Variants in MKRN1 observed in about 807,000 individuals in gnomAD.
MKRN1 encodes the protein E3 ubiquitin-protein ligase makorin-1.
MKRN1 carries 9 observed loss-of-function variants against 55.5 expected under a neutral mutation model. The observed-to-expected ratio is 0.16, with a 90% CI of 0.10 to 0.28. The LOEUF (loss-of-function observed/expected upper bound fraction) is 0.28. MKRN1 is among the 10% of genes least tolerant of loss of function. The probability of loss-of-function intolerance (pLI) is 1.00; values close to 1 mark genes in which losing one functional copy is unlikely to be tolerated. For synonymous variants in MKRN1, 253 were observed against 235.9 expected, an observed-to-expected ratio of 1.07 and a Z score of -0.66; for missense variants, 488 against 626.7, an observed-to-expected ratio of 0.78 and a Z score of 2.36.
In MKRN1 at chr7:140,455,138, T is replaced by C. The variant is rs1171846914; in HGVS notation, c.1193A>G (p.Glu398Gly). ...TCCCACTTTCTGTCTCTGTGGCTCCTCTCTACGGCCATCAGGGTACGCATG... is the reference window on the plus strand; with the variant it reads ...TCCCACTTTCTGTCTCTGTGGCTCCCCTCTACGGCCATCAGGGTACGCATG... The part of the protein sequence containing the change: ...YKHAYPDGRR[E>G]EPQRQKVGTS... The change falls in exon 7 of 8, where the codon GAG becomes GGG. Residue 398 changes from glutamate to glycine, a missense_variant. Transcript: ENST00000255977. 6.2e-7 allele frequency: 1 copy of C among 1,613,932 alleles called. No homozygotes were observed. The highest frequency in any genetic ancestry group is 8.5e-7 in the Non-Finnish European group (1 of 1,179,996).
rs1379620238 is a variant in MKRN1, at chr7:140,479,315, T to C, written c.30A>G (p.Thr10=). ...CCGCTCCTGCTCCTGATGTTGTGGCTGTTGTTCCGGGAGTTGCAGCCTCCG... is the reference window on the plus strand; with the variant it reads ...CCGCTCCTGCTCCTGATGTTGTGGCCGTTGTTCCGGGAGTTGCAGCCTCCG... MAEAATPGT[T]ATTSGAGAAA... The change falls in exon 1 of 8, where the codon ACA becomes ACG. Residue 10 remains threonine, a synonymous_variant. Coordinates refer to ENST00000255977, the MANE Select transcript of MKRN1 (RefSeq NM_013446.4). 1.5e-6 allele frequency: 2 copies of C among 1,320,588 alleles called. No homozygotes were observed. The highest frequency in any genetic ancestry group is 1.9e-6 in the Non-Finnish European group (2 of 1,031,150). 81.8% of individuals were successfully genotyped at this position (1,320,588 alleles called of 1,614,324 possible).
intron 1 of MKRN1, 97 bp downstream of exon 1, chr7:140,479,063 C>T: frequency 8.1e-7 from 1 of 1,229,944 alleles, no homozygotes; most frequent in Non-Finnish European, 1.0e-6. Context: ...CCTCCCGCGC[C>T]TCTAGCCGCA....
intron 2 of MKRN1, among the ~76,000 whole-genome samples, chr7:140,466,465 G>C (rs952979318): frequency 2.6e-5 from 4 of 152,164 alleles, no homozygotes; most frequent in African/African-American, 9.7e-5. Context: ...GGGAGTTTGA[G>C]ACCAACCTCG....
intron 3 of MKRN1, 125 bp downstream of exon 3, chr7:140,459,582 A>G: frequency 1.1e-6 from 1 of 891,240 alleles, no homozygotes; most frequent in South Asian, 1.8e-5. Context: ...TCCAAATTAA[A>G]GTACTGTACT....
chr7:140,463,921 C>T (rs1400330457), intron 2 of MKRN1, among the ~76,000 whole-genome samples: 1 of 151,228 alleles, frequency 6.6e-6, no homozygotes, highest in African/African-American at 2.4e-5. Flanking sequence ...CAGCCCAAAG[C>T]CTCACTTTTC....
chr7:140,468,722 A>AAAAAAAC, intron 2 of MKRN1, among the ~76,000 whole-genome samples: 1 of 151,212 alleles, frequency 6.6e-6, no homozygotes, highest in African/African-American at 2.4e-5. Flanking sequence ...AAAAAAAAAA[A>AAAAAAAC]AAAGACATGC....
At chr7:140,461,573 T>G (rs933091240) in intron 2 of MKRN1, among the ~76,000 whole-genome samples, 1 of 151,322 alleles carries the variant, frequency 6.6e-6, no homozygotes, top group African/African-American at 2.4e-5. Context: ...AGGTGGAGGG[T>G]GCAGTGAGCC....
chr7:140,462,417 T>C (rs1794649129), intron 2 of MKRN1, among the ~76,000 whole-genome samples: 3 of 152,238 alleles, frequency 2.0e-5, no homozygotes. Flanking sequence ...GTTCTTATAA[T>C]GAAACATTAC....
intron 1 of MKRN1, 79 bp downstream of exon 1, chr7:140,479,081 C>A (rs1795210930): frequency 3.2e-6 from 4 of 1,243,202 alleles, no homozygotes; most frequent in Non-Finnish European, 4.0e-6. Context: ...GCAGGCCGGC[C>A]GCCCTCCTCC....
intron 7 of MKRN1, 95 bp downstream of exon 7, chr7:140,455,000 T>TGATGG: frequency 6.6e-7 from 1 of 1,510,976 alleles, no homozygotes; most frequent in Non-Finnish European, 9.0e-7. Flanking sequence ...CTCCCAGACC[T>TGATGG]GAGCGTTAAC....
intron 5 of MKRN1, 62 bp downstream of exon 5, chr7:140,456,590 A>T (rs1342139295): frequency 6.3e-7 from 1 of 1,586,302 alleles, no homozygotes; most frequent in African/African-American, 1.3e-5. Context: ...GAAAGTTGGC[A>T]CAAGTTACTA....
Position 140,456,384 on chromosome 7 carries a change from T to G in MKRN1, c.986+268A>C, listed in dbSNP as rs1794466121. ...ATCAGTTTGTTCACTGAGCCTAAAC[T>G]GGCTAATAATCCATTAAACACAATC... On this transcript the variant is annotated intron_variant, in intron 5 of 7. Coordinates refer to ENST00000255977, the MANE Select transcript of MKRN1 (RefSeq NM_013446.4). The G allele has an allele frequency of 5.3e-6, 7 of 1,309,062 alleles. No homozygotes were observed. In the South Asian group the frequency reaches 1.1e-4, roughly 21 times the overall value. 81.1% of individuals were successfully genotyped at this position (1,309,062 alleles called of 1,614,324 possible).
chr7:140,471,126 T>C lies in MKRN1; in HGVS notation c.314+757A>G, dbSNP rs529108423. On this transcript the variant is annotated intron_variant, in intron 2 of 7. Transcript: ENST00000255977. ...GGCCAGTTTCTGGGGCTCATGCTTG[T>C]AATCCCAACACTTTTCGGAGGCCAA... Among the ~76,000 whole-genome samples, 3 of 152,254 alleles carry C rather than the reference T, an allele frequency of 2.0e-5. No homozygotes were observed. The South Asian group carries it at 6.2e-4, about 32-fold the overall frequency.
At chr7:140,457,099 C>A (rs1191389245) in intron 4 of MKRN1, among the ~76,000 whole-genome samples, 2 of 151,914 alleles carry the variant, frequency 1.3e-5, no homozygotes, top group Admixed American at 6.6e-5. Context: ...ACTATGAGGA[C>A]TCAACTTCGG....
chr7:140,461,190 T>C (rs1222788793), intron 2 of MKRN1, among the ~76,000 whole-genome samples: 3 of 152,248 alleles, frequency 2.0e-5, no homozygotes, highest in Non-Finnish European at 4.4e-5. Flanking sequence ...ACAATATTTA[T>C]ACAATACACA....
intron 4 of MKRN1, among the ~76,000 whole-genome samples, chr7:140,457,857 G>A (rs1363034948): frequency 2.0e-5 from 3 of 151,958 alleles, no homozygotes; most frequent in Non-Finnish European, 2.9e-5. Flanking sequence ...TAGATATAAC[G>A]TATAGAGATT....
Position 140,479,286 on chromosome 7 carries a change from G to T in MKRN1, c.59C>A (p.Ala20Glu), listed in dbSNP as rs374472977. The T allele has an allele frequency of 7.9e-4, 1,094 of 1,387,470 alleles. No individual in the cohort carries two copies. Among genetic ancestry groups the T allele is most frequent in the Non-Finnish European group, 8.9e-4 (957 of 1,070,410 alleles). The allele number at this position is 1,387,470 out of a possible 1,614,324, so 85.9% of individuals were successfully genotyped here. A position where few individuals can be genotyped will look rare whatever the true frequency, so the allele number is the denominator to read the frequency against. ...GGGGGAGGCTGCTGCCGCCGTCGCC[G>T]CTGCCGCTCCTGCTCCTGATGTTGT... ...TATTSGAGAA[A>E]ATAAAASPTP... Residue 20 changes from alanine (A) to glutamate (E), a missense_variant, in exon 1 of 8, where the codon GCG (alanine) becomes GAG (glutamate). Physicochemically the swap from Ala to Glu is moderately radical, Grantham distance 107. Coordinates refer to ENST00000255977, the MANE Select transcript of MKRN1 (RefSeq NM_013446.4).
In MKRN1 at chr7:140,459,883, G is replaced by C; in HGVS notation, c.368C>G (p.Thr123Ser). ...KQEEATATELTTKSSLAASSS... is the reference protein window; with the variant it reads ...KQEEATATELSTKSSLAASSS... ...GGAAGCAGCAAGGGATGACTTTGTA[G>C]TTAGCTCTGTAGCAGTTGCTTCTTC... Residue 123 changes from threonine (T) to serine (S), a missense_variant, in exon 3 of 8, where the codon ACT (threonine) becomes AGT (serine). This residue lies in a region of MKRN1 where 210 missense variants were observed against 220.0 expected (regional missense o/e 0.95). Coordinates refer to ENST00000255977, the MANE Select transcript of MKRN1 (RefSeq NM_013446.4). 6.2e-6 allele frequency: 10 copies of C among 1,613,956 alleles called. No individual in the cohort carries two copies. The highest frequency in any genetic ancestry group is 6.8e-6 in the Non-Finnish European group (8 of 1,179,864).
intron 2 of MKRN1, among the ~76,000 whole-genome samples, chr7:140,460,455 G>A (rs185416868): frequency 2.7e-3 from 407 of 151,514 alleles, no homozygotes; most frequent in African/African-American, 9.4e-3. Flanking sequence ...GATTACAGGC[G>A]CCAGCCACCA....
Sources: gnomAD v4.1 joint callset for allele counts (sites outside exome capture counted in the v4.1 genomes callset) on GRCh38, gnomAD v4.1.1 for gene constraint, gnomAD v4.1.1 regional missense constraint, MANE v1.5 for transcripts, NCBI Gene and HGNC (gene_info 2026-07-23, HGNC 2026-07-21) for gene names.